EPHB2: variants seen among roughly 807,000 people sequenced by gnomAD.
The protein encoded by EPHB2 is ephrin type-B receptor 2.
Under a neutral mutation model 96.4 loss-of-function variants are expected in EPHB2, and 18 were observed. The observed-to-expected ratio is 0.19, with a 90% CI of 0.13 to 0.28. EPHB2 has a LOEUF of 0.28. Ranked by LOEUF, EPHB2 falls within the 10% of genes least tolerant of loss-of-function variation. EPHB2 has a pLI of 1.00. For synonymous variants in EPHB2, 506 were observed against 534.1 expected (o/e 0.95, Z 0.72); for missense variants, 989 against 1,355.4 (o/e 0.73, Z 4.25).
Position 22,913,516 on chromosome 1 carries a change from C to T in EPHB2, c.2907C>T (p.Asn969=). The change falls in exon 16 of 16, where the codon AAC becomes AAT. Residue 969 remains asparagine, a synonymous_variant. Transcript: ENST00000374630. This position sits in a 1 kb window ranked among gnomAD's most constrained non-coding sequence, Gnocchi z 4.1. ...CTGGCCACCAGAAAAAAATCCTGAACAGTATCCAGGTGATGCGGGCGCAGA... is the reference window on the plus strand; with the variant it reads ...CTGGCCACCAGAAAAAAATCCTGAATAGTATCCAGGTGATGCGGGCGCAGA... ...TLAGHQKKIL[N]SIQVMRAQMN... is the part of the protein sequence containing the mutation. 1 of 1,614,200 alleles carries T rather than the reference C, an allele frequency of 6.2e-7. No homozygotes were observed. The highest frequency in any genetic ancestry group is 1.1e-5 in the South Asian group (1 of 91,084).
intron 1 of EPHB2, among the ~76,000 whole-genome samples, chr1:22,717,616 G>T (rs982856661): frequency 6.6e-6 from 1 of 152,190 alleles, no homozygotes; most frequent in Non-Finnish European, 1.5e-5. Context: ...GGCTCATGGC[G>T]AGGATTCAGT....
intron 1 of EPHB2, among the ~76,000 whole-genome samples, chr1:22,779,501 C>A (rs182382619): frequency 2.6e-5 from 4 of 152,218 alleles, no homozygotes; most frequent in African/African-American, 7.2e-5. Context: ...CCTTTATCCC[C>A]TCCACCCCTG....
At chr1:22,856,926 A>C (rs1645708352) in intron 3 of EPHB2, among the ~76,000 whole-genome samples, 1 of 152,178 alleles carries the variant, frequency 6.6e-6, no homozygotes, top group Non-Finnish European at 1.5e-5. Flanking sequence ...CCCTCCCCTC[A>C]AGTCACTCAC....
chr1:22,772,253 A>G (rs898508800), intron 1 of EPHB2, among the ~76,000 whole-genome samples: 8 of 152,118 alleles, frequency 5.3e-5, no homozygotes, highest in Admixed American at 3.9e-4. Context: ...GTGCTGGCGG[A>G]TGCCCAGGCC....
At chr1:22,855,697 T>C (rs1645688034) in intron 3 of EPHB2, among the ~76,000 whole-genome samples, 1 of 152,236 alleles carries the variant, frequency 6.6e-6, no homozygotes, top group Non-Finnish European at 1.5e-5. Context: ...AACACTTACA[T>C]AGCACTTAAC....
At chr1:22,896,621 C>T (rs987744528) in intron 9 of EPHB2, 143 bp downstream of exon 9, 26 of 1,107,422 alleles carry the variant, frequency 2.3e-5, no homozygotes, top group African/African-American at 6.2e-5. Context: ...TAAGCTCACT[C>T]TCACCTCTAG....
chr1:22,823,581 G>GTGTC (rs1645182503), intron 3 of EPHB2, among the ~76,000 whole-genome samples: 1 of 152,188 alleles, frequency 6.6e-6, no homozygotes, highest in Non-Finnish European at 1.5e-5. Flanking sequence ...GTTAGGAACT[G>GTGTC]TGTCTGTCAC....
chr1:22,853,319 C>A (rs746986733), intron 3 of EPHB2, among the ~76,000 whole-genome samples: 1 of 152,260 alleles, frequency 6.6e-6, no homozygotes, highest in Admixed American at 6.5e-5. Flanking sequence ...CGCCGCTGCA[C>A]TCCAGCCTGG....
chr1:22,882,208 C>A (rs1005439493), intron 5 of EPHB2, 151 bp from the exon 6 acceptor site: 2 of 1,362,246 alleles, frequency 1.5e-6, no homozygotes, highest in Non-Finnish European at 2.0e-6. Context: ...TGCCCCCTGT[C>A]GGCTCCCCGA....
chr1:22,834,727 C>T (rs994775953), intron 3 of EPHB2, among the ~76,000 whole-genome samples: 1 of 151,704 alleles, frequency 6.6e-6, no homozygotes, highest in Non-Finnish European at 1.5e-5. Context: ...GAGTTTGAGA[C>T]CAGCCTGGCC....
chr1:22,805,365 G>C (rs950316916), intron 3 of EPHB2, among the ~76,000 whole-genome samples: 12 of 152,180 alleles, frequency 7.9e-5, no homozygotes, highest in Non-Finnish European at 1.3e-4. Context: ...ACGAGGGGCT[G>C]CCAGCCCAGA....
At chr1:22,888,514 C>A (rs1010351640) in intron 6 of EPHB2, among the ~76,000 whole-genome samples, 2 of 152,306 alleles carry the variant, frequency 1.3e-5, no homozygotes, top group Admixed American at 6.5e-5. Flanking sequence ...AAAACTGAGG[C>A]CTGGAAGGCT....
chr1:22,781,385 G>GT (rs949108041), intron 1 of EPHB2, 36 bp from the exon 2 acceptor site: 1 of 1,605,688 alleles, frequency 6.2e-7, no homozygotes, highest in Admixed American at 1.7e-5. Context: ...CGCCTGGTAG[G>GT]TGGGGCGGGG....
At position 22,846,561 on chromosome 1, in the gene EPHB2, G is replaced by A. The variant is rs912279095; in HGVS notation, c.812-16476G>A. On this transcript the variant is annotated intron_variant, in intron 3 of 15. Transcript: ENST00000374630. The surrounding 1 kb of genome is among the most constrained non-coding windows in gnomAD (Gnocchi z 4.3). The stretch of plus-strand genomic sequence containing the variant: ...GCCTTGGGCATGGAGAGGTTGGCAC[G>A]CACCTGTTGCTGGGTAGGCGGCTTG... 2.0e-5 allele frequency among the ~76,000 whole-genome samples: 3 copies of A among 152,186 alleles called. No individual in the cohort carries two copies. The highest frequency in any genetic ancestry group is 1.9e-4 in the East Asian group (1 of 5,190).
At chr1:22,888,554 C>T (rs1639297975) in intron 6 of EPHB2, among the ~76,000 whole-genome samples, 1 of 152,186 alleles carries the variant, frequency 6.6e-6, no homozygotes, top group Admixed American at 6.5e-5. Context: ...CTCACTGGCC[C>T]TAAGCTACCA....
chr1:22,835,584 C>T (rs1476683107), intron 3 of EPHB2: 1 of 152,210 alleles, frequency 6.6e-6, no homozygotes, highest in South Asian at 2.1e-4. Context: ...GGCAAATCAT[C>T]TAGAAAATGG....
chr1:22,819,353 C>T (rs1340816487), intron 3 of EPHB2, among the ~76,000 whole-genome samples: 3 of 152,110 alleles, frequency 2.0e-5, no homozygotes, highest in Non-Finnish European at 4.4e-5. Flanking sequence ...CTTTCCCTTT[C>T]TGCCCCAAGA....
chr1:22,848,713 G>GTTGT (rs537164779), intron 3 of EPHB2, among the ~76,000 whole-genome samples: 11 of 152,286 alleles, frequency 7.2e-5, no homozygotes, highest in Admixed American at 6.5e-4. Flanking sequence ...CAAGATCCTT[G>GTTGT]TTGTTTGTAT....
At chr1:22,752,377 AT>A (rs1644077147) in intron 1 of EPHB2, among the ~76,000 whole-genome samples, 1 of 152,136 alleles carries the variant, frequency 6.6e-6, no homozygotes, top group Non-Finnish European at 1.5e-5. Flanking sequence ...TGCACCTGTT[AT>A]CCCAGTTACT....
Sources: gnomAD v4.1 joint callset for allele counts (sites outside exome capture counted in the v4.1 genomes callset) on GRCh38, gnomAD v4.1.1 for gene constraint, Gnocchi (gnomAD v3.1) non-coding constraint, MANE v1.5 for transcripts, NCBI Gene and HGNC (gene_info 2026-07-23, HGNC 2026-07-21) for gene names.